Variants in SCN1A observed in about 807,000 individuals in gnomAD.
SCN1A encodes sodium voltage-gated channel alpha subunit 1.
In SCN1A, 13 loss-of-function variants were observed where a neutral mutation model predicts 193.7. The ratio of observed to expected loss-of-function variants is 0.07; its 90% confidence interval spans 0.04 to 0.11. The LOEUF is 0.11. Among genes scored for constraint, SCN1A ranks in the 10% least tolerant of loss-of-function variants. The pLI is 1.00. For missense variants in SCN1A, 1,432 were observed against 2,451.1 expected (o/e 0.58, Z 8.78); for synonymous variants, 781 against 843.6 (o/e 0.93, Z 1.29).
chr2:166,081,992 T>G (rs1685580086), intron 2 of SCN1A, among the ~76,000 whole-genome samples: 1 of 152,022 alleles, frequency 6.6e-6, no homozygotes, highest in Admixed American at 6.6e-5. Flanking sequence ...GTACTTAATG[T>G]GATAGTATTT....
chr2:166,086,489 C>G (rs990246993), intron 2 of SCN1A, among the ~76,000 whole-genome samples: 1 of 152,138 alleles, frequency 6.6e-6, no homozygotes, highest in Non-Finnish European at 1.5e-5. Context: ...TGCTTCTCCT[C>G]TCATAAATAT....
At chr2:166,104,607 G>A (rs1464387991) in intron 2 of SCN1A, among the ~76,000 whole-genome samples, 3 of 152,136 alleles carry the variant, frequency 2.0e-5, no homozygotes, top group African/African-American at 7.2e-5. Flanking sequence ...ACCAGGCATG[G>A]TGGTGCGTTT....
chr2:166,025,373 C>T (rs949047234), intron 19 of SCN1A, among the ~76,000 whole-genome samples: 1 of 152,152 alleles, frequency 6.6e-6, no homozygotes, highest in Non-Finnish European at 1.5e-5. Flanking sequence ...AGTCTCTGGC[C>T]ACATGGCTGC....
chr2:165,995,098 A>G (rs1689839589), intron 27 of SCN1A, among the ~76,000 whole-genome samples: 1 of 151,850 alleles, frequency 6.6e-6, no homozygotes, highest in East Asian at 1.9e-4. Context: ...CATTTCTGCC[A>G]CTGCTAGTCA....
chr2:166,093,269 C>T (rs1182611974), intron 2 of SCN1A, among the ~76,000 whole-genome samples: 2 of 151,412 alleles, frequency 1.3e-5, no homozygotes, highest in Non-Finnish European at 2.9e-5. Flanking sequence ...TGTTTCTGGA[C>T]TTCTCATTCC....
Position 166,046,817 on chromosome 2 carries a change from A to G in SCN1A, c.1330T>C (p.Phe444Leu), listed in dbSNP as rs377467473. Residue 444 changes from phenylalanine (F) to leucine (L), a missense_variant, in exon 12 of 29, where the codon TTT becomes CTT. Transcript: ENST00000674923. ...LEEAEQKEAE[F>L]QQMIEQLKKQ... ...TTAAGCTGTTCAATCATCTGCTGAA[A>G]TTCGGCCTCTTTCTGTTCTGCTTCT... 6.2e-7 allele frequency: 1 copy of G among 1,613,880 alleles called. No homozygotes were observed. The highest frequency in any genetic ancestry group is 8.5e-7 in the Non-Finnish European group (1 of 1,179,826).
intron 3 of SCN1A, among the ~76,000 whole-genome samples, chr2:166,077,309 A>G (rs12614765): frequency 0.024 from 3,716 of 152,016 alleles, 224 homozygotes; most frequent in Admixed American, 0.14. Flanking sequence ...TGCAAAAGAC[A>G]TGTCTGATAA....
intron 2 of SCN1A, among the ~76,000 whole-genome samples, chr2:166,121,035 A>G (rs1373507532): frequency 6.6e-6 from 1 of 151,852 alleles, no homozygotes; most frequent in African/African-American, 2.4e-5. Flanking sequence ...AACTAAAAGG[A>G]TCAGATTCAT....
At chr2:166,029,074 T>A (rs138378267) in intron 19 of SCN1A, among the ~76,000 whole-genome samples, 3 of 152,042 alleles carry the variant, frequency 2.0e-5, no homozygotes, top group African/African-American at 7.3e-5. Context: ...GGGAATTACA[T>A]TGAATGAAAG....
At chr2:166,057,562 A>C (rs898696566) in intron 5 of SCN1A, among the ~76,000 whole-genome samples, 9 of 152,158 alleles carry the variant, frequency 5.9e-5, no homozygotes, top group Non-Finnish European at 1.3e-4. Flanking sequence ...TCAAATGACC[A>C]CATGATGGCG....
intron 2 of SCN1A, among the ~76,000 whole-genome samples, chr2:166,119,304 T>C (rs1484317132): frequency 1.3e-5 from 2 of 152,174 alleles, no homozygotes; most frequent in African/African-American, 4.8e-5. Flanking sequence ...AAATGCAGCA[T>C]TCCCTAATAA....
chr2:166,029,789 C>A (rs150713709), intron 19 of SCN1A, among the ~76,000 whole-genome samples: 1,951 of 152,176 alleles, frequency 0.013, 15 homozygotes, highest in Non-Finnish European at 0.018. Context: ...CATAGAAGTT[C>A]TTCCTAATGA....
chr2:166,058,476 A>C, intron 5 of SCN1A, 94 bp downstream of exon 5: 1 of 735,576 alleles, frequency 1.4e-6, no homozygotes, highest in Non-Finnish European at 2.4e-6. Flanking sequence ...AAACTATATA[A>C]TATGGACATT....
chr2:166,042,221 A>C, intron 15 of SCN1A, 71 bp downstream of exon 15: 1 of 1,494,928 alleles, frequency 6.7e-7, no homozygotes, highest in Non-Finnish European at 9.3e-7. Flanking sequence ...ACTCACAAAT[A>C]TATTTGTTTG....
intron 23 of SCN1A, 143 bp from the exon 24 acceptor site, chr2:166,002,896 A>G (rs1691132157): frequency 1.5e-6 from 1 of 647,536 alleles, no homozygotes; most frequent in Non-Finnish European, 2.4e-6. Flanking sequence ...CAAGGTTCAA[A>G]AAAATCTTAA....
Position 166,037,938 on chromosome 2 carries a change from T to C in SCN1A, c.2784A>G (p.Gln928=), listed in dbSNP as rs138376436. 6 of 1,613,816 alleles carry C rather than the reference T, an allele frequency of 3.7e-6. No individual in the cohort carries two copies. Among genetic ancestry groups the C allele is most frequent in the Non-Finnish European group, 5.1e-6 (6 of 1,180,000 alleles). The change falls in exon 18 of 29, where the codon CAA becomes CAG. Residue 928 remains glutamine, a synonymous_variant. Transcript: ENST00000674923. ...AGTCATTCATGTGCCAGCGTGGGAGTTGACAATCACTGGCGATCTTGCAGA... is the reference window on the plus strand; with the variant it reads ...AGTCATTCATGTGCCAGCGTGGGAGCTGACAATCACTGGCGATCTTGCAGA... ...DCVCKIASDC[Q]LPRWHMNDFF...
At chr2:166,047,495 G>T in intron 11 of SCN1A, 132 bp downstream of exon 11, 1 of 986,264 alleles carries the variant, frequency 1.0e-6, no homozygotes. Context: ...TAATCAATAG[G>T]ATAGAGGAAC....
intron 4 of SCN1A, among the ~76,000 whole-genome samples, chr2:166,064,242 T>C (rs7607455): frequency 0.22 from 32,848 of 152,014 alleles, 3,817 homozygotes; most frequent in East Asian, 0.36. Flanking sequence ...GACTCAGTTA[T>C]CTCACTTGAA....
chr2:166,121,576 T>G, intron 2 of SCN1A, among the ~76,000 whole-genome samples: 1 of 152,178 alleles, frequency 6.6e-6, no homozygotes, highest in East Asian at 1.9e-4. Context: ...TGCCTGTAAT[T>G]ACAAACCTAA....
Sources: gnomAD v4.1 joint callset for allele counts (sites outside exome capture counted in the v4.1 genomes callset) on GRCh38, gnomAD v4.1.1 for gene constraint, MANE v1.5 for transcripts, NCBI Gene and HGNC (gene_info 2026-07-23, HGNC 2026-07-21) for gene names.